GALNT10: variants seen among roughly 807,000 people sequenced by gnomAD.
GALNT10 encodes polypeptide N-acetylgalactosaminyltransferase 10.
A neutral mutation model predicts 75.0 loss-of-function variants in GALNT10; 41 were observed. The observed-to-expected ratio is 0.55, with a 90% CI of 0.43 to 0.71. The LOEUF is 0.71. GALNT10 is among the 30% of genes least tolerant of loss of function. The pLI is 0.00. For missense variants in GALNT10, 727 were observed against 818.5 expected (o/e 0.89, Z 1.36); for synonymous variants, 302 against 313.0 (o/e 0.96, Z 0.37).
intron 1 of GALNT10, among the ~76,000 whole-genome samples, chr5:154,192,589 A>G (rs1298445835): frequency 6.6e-6 from 1 of 152,172 alleles, no homozygotes; most frequent in Non-Finnish European, 1.5e-5. Flanking sequence ...TGGTCTGTAA[A>G]CCATGATTAT....
chr5:154,353,072 G>A (rs988055965), intron 4 of GALNT10, among the ~76,000 whole-genome samples: 30 of 152,246 alleles, frequency 2.0e-4, no homozygotes, highest in Non-Finnish European at 8.8e-5. Context: ...ATGAGGCCTC[G>A]GAGGGCTGGT....
intron 3 of GALNT10, among the ~76,000 whole-genome samples, chr5:154,305,139 A>T (rs989737031): frequency 3.3e-5 from 5 of 152,072 alleles, no homozygotes; most frequent in Non-Finnish European, 7.4e-5. Context: ...AAATTAAAAA[A>T]ATATATATTA....
chr5:154,356,269 T>C, intron 4 of GALNT10: 1 of 450,038 alleles, frequency 2.2e-6, no homozygotes, highest in South Asian at 1.6e-5. Flanking sequence ...TGCTTTTGTG[T>C]CTTCCCATCT....
In GALNT10 at chr5:154,416,904, T is replaced by C. The variant is rs778088904; in HGVS notation, c.1744T>C (p.Ser582Pro). 2.5e-6 allele frequency: 4 copies of C among 1,613,890 alleles called. No homozygotes were observed. Among genetic ancestry groups the C allele is most frequent in the Non-Finnish European group, 3.4e-6 (4 of 1,179,754 alleles). Residue 582 changes from serine to proline, a missense_variant, in exon 12 of 12, where the codon TCT becomes CCT. Coordinates refer to ENST00000297107, the MANE Select transcript of GALNT10 (RefSeq NM_198321.4). This position sits in a 1 kb window ranked among gnomAD's most constrained non-coding sequence, Gnocchi z 4.5. ...CTTCATGAACACCTGCAACCCATCC[T>C]CTCTCACCCAGCAGTGGCTGTTTGA... Reference protein sequence around the residue: ...RIFMNTCNPSSLTQQWLFEHT... With the variant: ...RIFMNTCNPSPLTQQWLFEHT...
chr5:154,192,413 A>G (rs933723329), intron 1 of GALNT10, among the ~76,000 whole-genome samples: 4 of 152,172 alleles, frequency 2.6e-5, no homozygotes, highest in Non-Finnish European at 5.9e-5. Context: ...TCTCCCTGAA[A>G]TTCTGTATCT....
intron 1 of GALNT10, among the ~76,000 whole-genome samples, chr5:154,221,512 A>G (rs1196915027): frequency 6.6e-6 from 1 of 152,158 alleles, no homozygotes; most frequent in Non-Finnish European, 1.5e-5. Context: ...TTCCCCAAGG[A>G]TCTGTGTCTT....
intron 1 of GALNT10, among the ~76,000 whole-genome samples, chr5:154,248,974 A>G (rs1225047211): frequency 6.6e-6 from 1 of 152,254 alleles, no homozygotes; most frequent in African/African-American, 2.4e-5. Context: ...GATACTAGAA[A>G]TGGCTAAGAA....
chr5:154,247,299 T>C (rs1425311925), intron 1 of GALNT10, among the ~76,000 whole-genome samples: 1 of 152,194 alleles, frequency 6.6e-6, no homozygotes, highest in Admixed American at 6.5e-5. Flanking sequence ...GCGGGCTCTT[T>C]TTTGGGTCCA....
intron 3 of GALNT10, among the ~76,000 whole-genome samples, chr5:154,315,858 C>T (rs1754588100): frequency 6.6e-6 from 1 of 152,226 alleles, no homozygotes; most frequent in Admixed American, 6.5e-5. Context: ...TGATGACCCT[C>T]CTGTTTACAG....
intron 1 of GALNT10, among the ~76,000 whole-genome samples, chr5:154,235,674 T>A (rs1451644691): frequency 6.6e-6 from 1 of 152,230 alleles, no homozygotes; most frequent in Non-Finnish European, 1.5e-5. Context: ...TTAATCACTT[T>A]GATCCTCAAT....
chr5:154,400,143 G>T (rs985203459), intron 7 of GALNT10, among the ~76,000 whole-genome samples: 1 of 152,110 alleles, frequency 6.6e-6, no homozygotes, highest in Admixed American at 6.5e-5. Context: ...GTCTCGAAAA[G>T]AAATAAATAT....
intron 7 of GALNT10, among the ~76,000 whole-genome samples, chr5:154,395,170 G>T (rs981283272): frequency 6.6e-6 from 1 of 152,242 alleles, no homozygotes; most frequent in Admixed American, 6.5e-5. Flanking sequence ...TCAAAAGTTT[G>T]TTGTAAGAAC....
At chr5:154,200,762 T>C (rs1325992355) in intron 1 of GALNT10, among the ~76,000 whole-genome samples, 1 of 152,220 alleles carries the variant, frequency 6.6e-6, no homozygotes, top group Non-Finnish European at 1.5e-5. Flanking sequence ...TTGACCTTTA[T>C]GTATTTTTAA....
intron 4 of GALNT10, among the ~76,000 whole-genome samples, chr5:154,341,364 A>G (rs1020513033): frequency 1.3e-5 from 2 of 152,214 alleles, no homozygotes; most frequent in Non-Finnish European, 2.9e-5. Context: ...AAAATAACCA[A>G]TAACTTCCTG....
At chr5:154,410,708 C>T (rs944553809) in intron 9 of GALNT10, among the ~76,000 whole-genome samples, 4 of 152,310 alleles carry the variant, frequency 2.6e-5, no homozygotes, top group South Asian at 2.1e-4. Context: ...ACACCCAGAG[C>T]GAGTTCCGGT....
At chr5:154,345,160 T>C (rs1755101962) in intron 4 of GALNT10, among the ~76,000 whole-genome samples, 1 of 151,802 alleles carries the variant, frequency 6.6e-6, no homozygotes, top group South Asian at 2.1e-4. Context: ...CCCCCACATA[T>C]GATTGAGGGA....
At chr5:154,356,753 C>G (rs1444722649) in intron 4 of GALNT10, among the ~76,000 whole-genome samples, 2 of 152,064 alleles carry the variant, frequency 1.3e-5, no homozygotes, top group African/African-American at 4.8e-5. Flanking sequence ...TTCTAAGGTC[C>G]CTCATTAGGG....
chr5:154,368,480 G>GA (rs1369398497), intron 4 of GALNT10, among the ~76,000 whole-genome samples: 3 of 151,852 alleles, frequency 2.0e-5, no homozygotes, highest in African/African-American at 4.8e-5. Context: ...GAAAGGAAGG[G>GA]AAAAAAAAGA....
In GALNT10 at chr5:154,380,584, C is replaced by T. The variant is rs1755718883; in HGVS notation, c.891C>T (p.Ile297=). The stretch of plus-strand genomic sequence containing the variant: ...ACTGGGAGATGTACTACAAGCGGAT[C>T]CCGATCCCTCCAGAACTGCAGAAAG... ...AFDWEMYYKR[I]PIPPELQKAD... is the part of the protein sequence containing the mutation. The change falls in exon 6 of 12, where the codon ATC becomes ATT. Residue 297 remains isoleucine, a synonymous_variant. Transcript: ENST00000297107. The T allele has an allele frequency of 6.2e-7, 1 of 1,613,820 alleles. No individual in the cohort carries two copies. The highest frequency in any genetic ancestry group is 1.3e-5 in the African/African-American group (1 of 74,894).
Sources: allele counts gnomAD v4.1 joint callset (sites outside exome capture counted in the v4.1 genomes callset), GRCh38; gene constraint gnomAD v4.1.1; non-coding constraint Gnocchi (gnomAD v3.1); transcripts MANE v1.5; gene names NCBI Gene and HGNC (gene_info 2026-07-23, HGNC 2026-07-21).